The following ITSN1 variants were observed in gnomAD, a reference collection of about 807,000 sequenced individuals.
The protein encoded by ITSN1 is intersectin-1.
Under a neutral mutation model 239.8 loss-of-function variants are expected in ITSN1, and 58 were observed. The observed-to-expected ratio is 0.24, with a 90% confidence interval of 0.20 to 0.30. The LOEUF (loss-of-function observed/expected upper bound fraction) is 0.30. ITSN1 is among the 10% of genes least tolerant of loss of function. ITSN1 has a pLI of 1.00. For synonymous variants in ITSN1, 780 were observed against 770.8 expected (o/e 1.01, Z -0.20); for missense variants, 1,558 against 2,103.3 (o/e 0.74, Z 5.07).
At chr21:33,764,657 T>G (rs2068596001) in intron 9 of ITSN1, among the ~76,000 whole-genome samples, 3 of 152,202 alleles carry the variant, frequency 2.0e-5, no homozygotes, top group Admixed American at 1.3e-4. Flanking sequence ...TTATGGAAAT[T>G]ATAACAAAAA....
At chr21:33,758,268 A>G (rs2068060117) in intron 8 of ITSN1, among the ~76,000 whole-genome samples, 2 of 152,118 alleles carry the variant, frequency 1.3e-5, no homozygotes, top group African/African-American at 4.8e-5. Flanking sequence ...GACTACAGGC[A>G]TGTGCCACCA....
chr21:33,724,416 A>C (rs1289597742), intron 4 of ITSN1, among the ~76,000 whole-genome samples: 1 of 152,206 alleles, frequency 6.6e-6, no homozygotes, highest in East Asian at 1.9e-4. Context: ...TCTGTCAGTT[A>C]AATGTGAAAG....
chr21:33,877,519 C>T (rs924072975), intron 34 of ITSN1, among the ~76,000 whole-genome samples: 2 of 152,158 alleles, frequency 1.3e-5, no homozygotes, highest in East Asian at 1.9e-4. Context: ...TCTCAGGGCA[C>T]GTTTTCCTTC....
In ITSN1 at chr21:33,895,169, G is replaced by C. The variant is rs1156447392; in HGVS notation, c.*6869G>C. ...CTTGCTCTTCCCTGCCGCTGAGGCTGGGGCTGCACGGAGGTCCTCAGGCTT... is the reference window on the plus strand; with the variant it reads ...CTTGCTCTTCCCTGCCGCTGAGGCTCGGGCTGCACGGAGGTCCTCAGGCTT... On this transcript the variant is annotated 3_prime_UTR_variant, in exon 40 of 40. Coordinates refer to ENST00000381318, the MANE Select transcript of ITSN1 (RefSeq NM_003024.3). 2 of 152,260 alleles carry C rather than the reference G, an allele frequency of 1.3e-5. No individual in the cohort carries two copies. Among genetic ancestry groups the C allele is most frequent in the Admixed American group, 1.3e-4 (2 of 15,280 alleles). 9.4% of individuals were successfully genotyped at this position (152,260 alleles called of 1,614,324 possible).
intron 28 of ITSN1, 96 bp downstream of exon 28, chr21:33,834,520 CAT>C: frequency 1.1e-6 from 1 of 888,168 alleles, no homozygotes. Context: ...TTGTTTTTCA[CAT>C]GTGCTTTAAA....
rs535788052 is a variant in ITSN1, at chr21:33,871,943, T to C, written c.4174-3411T>C. On this transcript the variant is annotated intron_variant, in intron 33 of 39. Transcript: ENST00000381318. The stretch of plus-strand genomic sequence containing the variant: ...AGGGACACTGATAGTACCTACTGCA[T>C]AGTGATGTGGGAATTAACTGAGTTA... Among the ~76,000 whole-genome samples the C allele has an allele frequency of 2.6e-5, 4 of 152,266 alleles. No homozygotes were observed. The South Asian group carries it at 8.3e-4, about 32-fold the overall frequency.
rs913872456 is a variant in ITSN1 at position 33,829,653 on chromosome 21, G to A, written c.3259G>A (p.Ala1087Thr). The part of the protein sequence containing the change: ...EIAQVIASYT[A>T]TGPEQLTLAP... ...TGCCCAGGTTATTGCCTCATACACC[G>A]CCACCGGCCCCGAGCAGCTCACTCT... The change falls in exon 27 of 40, where the codon GCC becomes ACC. Residue 1087 changes from alanine (A) to threonine (T), a missense_variant. Coordinates refer to ENST00000381318, the MANE Select transcript of ITSN1 (RefSeq NM_003024.3). 7.4e-6 allele frequency: 12 copies of A among 1,612,246 alleles called. No individual in the cohort carries two copies. The highest frequency in any genetic ancestry group is 2.2e-5 in the South Asian group (2 of 90,986).
chr21:33,843,386 A>G (rs1160830071), intron 29 of ITSN1, among the ~76,000 whole-genome samples: 1 of 152,030 alleles, frequency 6.6e-6, no homozygotes, highest in Admixed American at 6.6e-5. Flanking sequence ...CACATTTTCA[A>G]CGCACAAGCT....
At chr21:33,817,281 G>GA in intron 22 of ITSN1, 2 of 1,304,372 alleles carry the variant, frequency 1.5e-6, no homozygotes, top group Non-Finnish European at 2.0e-6. Context: ...TGCAGCCCCG[G>GA]ATTGTGCTTC....
At chr21:33,745,772 A>C (rs1182402238) in intron 5 of ITSN1, among the ~76,000 whole-genome samples, 1 of 151,650 alleles carries the variant, frequency 6.6e-6, no homozygotes, top group Non-Finnish European at 1.5e-5. Context: ...ATTATCCTGA[A>C]CTCGTGGTCA....
intron 1 of ITSN1, among the ~76,000 whole-genome samples, chr21:33,714,307 C>T (rs1419646462): frequency 6.6e-6 from 1 of 152,000 alleles, no homozygotes; most frequent in African/African-American, 2.4e-5. Flanking sequence ...AGAGAGAGAA[C>T]GTGGAGTCCC....
chr21:33,652,112 T>C (rs2088595310), intron 1 of ITSN1, among the ~76,000 whole-genome samples: 1 of 152,110 alleles, frequency 6.6e-6, no homozygotes, highest in Admixed American at 6.5e-5. Context: ...GTCAACATGC[T>C]CAAATTACCC....
At position 33,826,805 on chromosome 21, in the gene ITSN1, G is replaced by T. The variant is rs781261158; in HGVS notation, c.3184-13G>T. 1 of 1,613,028 alleles carries T rather than the reference G, an allele frequency of 6.2e-7. No individual in the cohort carries two copies. The highest frequency in any genetic ancestry group is 8.5e-7 in the Non-Finnish European group (1 of 1,179,212). On this transcript the variant is annotated splice_polypyrimidine_tract_variant and intron_variant, in intron 25 of 39. Transcript: ENST00000381318. ...CTTCAGCATGCAAATGAGACCTTTT[G>T]CTCTGTTTTAAGGGCTCTGGAACTG...
intron 1 of ITSN1, among the ~76,000 whole-genome samples, chr21:33,706,974 C>T (rs1371739698): frequency 1.3e-5 from 2 of 152,140 alleles, no homozygotes; most frequent in Admixed American, 6.5e-5. Flanking sequence ...CCACCCGCCT[C>T]GGCCTCCCAA....
intron 1 of ITSN1, among the ~76,000 whole-genome samples, chr21:33,663,574 T>C (rs1203600421): frequency 2.0e-5 from 3 of 152,264 alleles, no homozygotes; most frequent in Non-Finnish European, 4.4e-5. Context: ...TTGGGCTTAC[T>C]TCTTTGTGAC....
chr21:33,721,319 G>A (rs1333084365), intron 3 of ITSN1, 49 bp downstream of exon 3: 3 of 1,176,528 alleles, frequency 2.5e-6, no homozygotes, highest in Non-Finnish European at 2.6e-6. Context: ...TAGTGCAGAT[G>A]TCTGTGGAAA....
chr21:33,887,121 C>T (rs1295396026), intron 39 of ITSN1, among the ~76,000 whole-genome samples: 4 of 151,730 alleles, frequency 2.6e-5, no homozygotes, highest in African/African-American at 9.7e-5. Flanking sequence ...AGTCTAAGAC[C>T]AGCCTGGGCA....
intron 32 of ITSN1, among the ~76,000 whole-genome samples, chr21:33,866,830 C>T (rs1981680890): frequency 6.6e-6 from 1 of 152,132 alleles, no homozygotes; most frequent in Non-Finnish European, 1.5e-5. Flanking sequence ...TCCAGCAGTT[C>T]TGGGGTGTAA....
rs182180515 is a variant in ITSN1 at position 33,771,658 on chromosome 21, A to G, written c.1043-403A>G. ...CTCACCTTTCACTCTGCTTTGAGAA[A>G]TCTTGTTAGAATAGAGGACTCATCA... On this transcript the variant is annotated intron_variant, in intron 11 of 39. Coordinates refer to ENST00000381318, the MANE Select transcript of ITSN1 (RefSeq NM_003024.3). Among the ~76,000 whole-genome samples, 5 of 152,296 alleles carry G rather than the reference A, an allele frequency of 3.3e-5. No individual in the cohort carries two copies. In the East Asian group the frequency reaches 9.6e-4, roughly 29 times the overall value.
Sources: gnomAD v4.1 joint callset for allele counts (sites outside exome capture counted in the v4.1 genomes callset) on GRCh38, gnomAD v4.1.1 for gene constraint, MANE v1.5 for transcripts, NCBI Gene and HGNC (gene_info 2026-07-23, HGNC 2026-07-21) for gene names.